Variants in PDLIM5 observed in about 807,000 individuals in gnomAD.
PDLIM5 encodes the protein PDZ and LIM domain 5, also known as PDZ and LIM domain protein 5.
In PDLIM5, 34 loss-of-function variants were observed where a neutral mutation model predicts 64.2. The observed-to-expected ratio is 0.53, with a 90% CI of 0.40 to 0.71. The LOEUF is 0.71. PDLIM5 is among the 30% of genes least tolerant of loss of function. The pLI, the probability that PDLIM5 is intolerant of heterozygous loss-of-function variation, is 0.00. For missense variants in PDLIM5, 683 were observed against 733.6 expected (o/e 0.93, Z 0.80); for synonymous variants, 253 against 269.1 (o/e 0.94, Z 0.59).
chr4:94,596,530 C>G (rs979741368), intron 7 of PDLIM5, among the ~76,000 whole-genome samples: 1 of 151,228 alleles, frequency 6.6e-6, no homozygotes, highest in South Asian at 2.1e-4. Context: ...GACTCCTGCA[C>G]TTTAGTTTTT....
At chr4:94,570,091 A>G (rs1007029209) in intron 3 of PDLIM5, among the ~76,000 whole-genome samples, 1 of 152,028 alleles carries the variant, frequency 6.6e-6, no homozygotes. Context: ...TATAATTATA[A>G]TTCTTAAAGA....
chr4:94,529,650 T>C (rs1177529499), intron 3 of PDLIM5, among the ~76,000 whole-genome samples: 1 of 152,184 alleles, frequency 6.6e-6, no homozygotes, highest in Non-Finnish European at 1.5e-5. Flanking sequence ...TTTCTTTCTA[T>C]GACATCCTAA....
chr4:94,574,273 G>A (rs1302288256), intron 4 of PDLIM5, among the ~76,000 whole-genome samples: 6 of 152,088 alleles, frequency 3.9e-5, no homozygotes, highest in African/African-American at 9.7e-5. Flanking sequence ...CGAGGCAGGC[G>A]GATCACCTGA....
intron 7 of PDLIM5, among the ~76,000 whole-genome samples, chr4:94,614,330 G>T (rs1246568931): frequency 1.3e-5 from 2 of 151,946 alleles, no homozygotes; most frequent in Non-Finnish European, 2.9e-5. Context: ...GCCCAGGCTG[G>T]TCTTGAACTC....
chr4:94,591,681 C>T (rs532308635), intron 7 of PDLIM5, among the ~76,000 whole-genome samples: 1 of 152,328 alleles, frequency 6.6e-6, no homozygotes, highest in East Asian at 1.9e-4. Context: ...CATTCTAGCT[C>T]CTGAGCTGCT....
intron 2 of PDLIM5, among the ~76,000 whole-genome samples, chr4:94,519,865 T>C (rs1578296326): frequency 6.6e-6 from 1 of 152,278 alleles, no homozygotes; most frequent in Middle Eastern, 3.4e-3. Context: ...ATTCCCACAG[T>C]CTTTCCTATC....
intron 2 of PDLIM5, among the ~76,000 whole-genome samples, chr4:94,505,122 C>T (rs1477291657): frequency 6.6e-6 from 1 of 152,200 alleles, no homozygotes. Context: ...ATACACCAAC[C>T]AGTCATTTCT....
intron 3 of PDLIM5, among the ~76,000 whole-genome samples, chr4:94,562,730 A>G (rs7684833): frequency 0.056 from 8,461 of 152,144 alleles, 782 homozygotes; most frequent in African/African-American, 0.19. Flanking sequence ...ATTAGATTCA[A>G]AGAGTGGTGG....
intron 3 of PDLIM5, among the ~76,000 whole-genome samples, chr4:94,547,900 G>A (rs149623952): frequency 6.6e-6 from 1 of 152,240 alleles, no homozygotes; most frequent in African/African-American, 2.4e-5. Flanking sequence ...GACTACTGTT[G>A]AGAAAATGTC....
rs571635198 is a variant in PDLIM5, at chr4:94,604,888, A to G, written c.921-13116A>G. On this transcript the variant is annotated intron_variant, in intron 7 of 12. Coordinates refer to ENST00000317968, the MANE Select transcript of PDLIM5 (RefSeq NM_006457.5). ...CACAGTTTTTAAAATGAGGAATGCAAATTGTCCATTGAATTTAGCCACAAG... is the reference window on the plus strand; with the variant it reads ...CACAGTTTTTAAAATGAGGAATGCAGATTGTCCATTGAATTTAGCCACAAG... Among the ~76,000 whole-genome samples, 5 of 152,314 alleles carry G rather than the reference A, an allele frequency of 3.3e-5. No individual in the cohort carries two copies. In the South Asian group the frequency reaches 1.0e-3, roughly 32 times the overall value.
At chr4:94,512,322 A>G (rs192529915) in intron 2 of PDLIM5, among the ~76,000 whole-genome samples, 10 of 152,212 alleles carry the variant, frequency 6.6e-5, no homozygotes, top group African/African-American at 2.4e-4. Context: ...CCTGGCCAGT[A>G]GCTGTATTTT....
chr4:94,505,166 A>G (rs181695543), intron 2 of PDLIM5, among the ~76,000 whole-genome samples: 4 of 152,282 alleles, frequency 2.6e-5, no homozygotes, highest in East Asian at 1.9e-4. Flanking sequence ...CTGCAATTCA[A>G]TTCTGACACT....
chr4:94,523,265 G>T (rs1015098477), intron 2 of PDLIM5, among the ~76,000 whole-genome samples: 1 of 152,202 alleles, frequency 6.6e-6, no homozygotes, highest in Non-Finnish European at 1.5e-5. Flanking sequence ...GGATTGTTTA[G>T]CAGATCTTCC....
chr4:94,643,557 A>G (rs1704208033), intron 9 of PDLIM5, among the ~76,000 whole-genome samples: 1 of 152,096 alleles, frequency 6.6e-6, no homozygotes, highest in African/African-American at 2.4e-5. Flanking sequence ...TCTATTGACC[A>G]TTTGTATTAC....
intron 2 of PDLIM5, among the ~76,000 whole-genome samples, chr4:94,495,632 G>GT (rs1487200337): frequency 1.3e-5 from 2 of 152,176 alleles, no homozygotes; most frequent in Non-Finnish European, 2.9e-5. Context: ...AACTGGAATG[G>GT]TAAGAAGATC....
chr4:94,499,192 T>C (rs1485096748), intron 2 of PDLIM5, among the ~76,000 whole-genome samples: 2 of 152,158 alleles, frequency 1.3e-5, no homozygotes, highest in Non-Finnish European at 2.9e-5. Context: ...TTTCTTATAA[T>C]TAAGAGACAT....
chr4:94,491,278 G>T lies in PDLIM5; in HGVS notation c.97-32446G>T, dbSNP rs534719190. Among the ~76,000 whole-genome samples, 279 of 152,218 alleles carry T rather than the reference G, an allele frequency of 1.8e-3. 1 individual carries two copies. The highest frequency in any genetic ancestry group is 2.4e-3 in the Non-Finnish European group (165 of 67,964). ...TCTTCTAAGCTTTTGAGGTATTCAG[G>T]TGTTTGATTAAATCATTTCTTTCCA... On this transcript the variant is annotated intron_variant, in intron 2 of 12. Transcript: ENST00000317968.
At chr4:94,519,344 C>T (rs1401196253) in intron 2 of PDLIM5, among the ~76,000 whole-genome samples, 1 of 152,140 alleles carries the variant, frequency 6.6e-6, no homozygotes, top group African/African-American at 2.4e-5. Context: ...GTGGTATGTG[C>T]TGTCCTGGTG....
At position 94,664,705 on chromosome 4, in the gene PDLIM5, A is replaced by T. The variant is rs1042363646; in HGVS notation, c.*638A>T. ...GCCAACATGGTGAAACCCCATCTCT[A>T]CTAAAAATACAAAAATTAGCCGGAC... On this transcript the variant is annotated 3_prime_UTR_variant, in exon 13 of 13. Coordinates refer to ENST00000317968, the MANE Select transcript of PDLIM5 (RefSeq NM_006457.5). The T allele has an allele frequency of 5.6e-6, 1 of 179,740 alleles. No individual in the cohort carries two copies. The highest frequency in any genetic ancestry group is 1.1e-5 in the Non-Finnish European group (1 of 93,480). The allele number at this position is 179,740 out of a possible 1,614,324, so 11.1% of individuals were successfully genotyped here.
Sources: allele counts gnomAD v4.1 joint callset (sites outside exome capture counted in the v4.1 genomes callset), GRCh38; gene constraint gnomAD v4.1.1; transcripts MANE v1.5; gene names NCBI Gene and HGNC (gene_info 2026-07-23, HGNC 2026-07-21).